Variants in AGBL4 observed in about 807,000 individuals in gnomAD.
The protein encoded by AGBL4 is AGBL carboxypeptidase 4.
AGBL4 carries 58 observed loss-of-function variants against 66.4 expected under a neutral mutation model. That is an observed-to-expected ratio of 0.87 (90% CI 0.71 to 1.09). The LOEUF (loss-of-function observed/expected upper bound fraction) is 1.09. Ranked by LOEUF, AGBL4 falls within the 50% of genes least tolerant of loss-of-function variation. The pLI is 0.00. For synonymous variants in AGBL4, 234 were observed against 222.9 expected (o/e 1.05, Z -0.44); for missense variants, 579 against 631.0 (o/e 0.92, Z 0.88).
intron 11 of AGBL4, among the ~76,000 whole-genome samples, chr1:48,553,514 T>A (rs1426573584): frequency 2.0e-5 from 3 of 152,154 alleles, no homozygotes; most frequent in African/African-American, 7.2e-5. Context: ...CCTTTAGGTA[T>A]CAGTTTTCCA....
chr1:49,790,510 A>G (rs576977676), intron 2 of AGBL4, among the ~76,000 whole-genome samples: 6 of 152,342 alleles, frequency 3.9e-5, no homozygotes, highest in African/African-American at 1.4e-4. Context: ...GAAAACAGAT[A>G]TACTGCCTGC....
chr1:48,553,645 G>A (rs1001891474), intron 11 of AGBL4, among the ~76,000 whole-genome samples: 1 of 152,026 alleles, frequency 6.6e-6, no homozygotes, highest in African/African-American at 2.4e-5. Context: ...TGATACTACT[G>A]ACAAACTGTG....
At chr1:49,424,250 CA>C (rs1487991697) in intron 3 of AGBL4, among the ~76,000 whole-genome samples, 1 of 152,068 alleles carries the variant, frequency 6.6e-6, no homozygotes, top group African/African-American at 2.4e-5. Flanking sequence ...ACGAAACAAA[CA>C]AAGAAACAAA....
intron 3 of AGBL4, among the ~76,000 whole-genome samples, chr1:49,559,674 C>T (rs1465932474): frequency 1.3e-5 from 2 of 152,236 alleles, no homozygotes; most frequent in Admixed American, 1.3e-4. Context: ...TGAACATCAG[C>T]CTGCAGGTTC....
intron 5 of AGBL4, among the ~76,000 whole-genome samples, chr1:48,992,821 G>C (rs1029878138): frequency 6.6e-6 from 1 of 151,896 alleles, no homozygotes; most frequent in African/African-American, 2.4e-5. Flanking sequence ...CAAACCCAAG[G>C]GCTCTTCAGT....
chr1:49,107,291 C>T (rs775212248), intron 4 of AGBL4, among the ~76,000 whole-genome samples: 9 of 152,020 alleles, frequency 5.9e-5, no homozygotes, highest in Non-Finnish European at 1.2e-4. Flanking sequence ...TGATTTTGCC[C>T]AACTGTAGGC....
At chr1:49,609,486 A>C (rs1255883170) in intron 3 of AGBL4, among the ~76,000 whole-genome samples, 1 of 152,204 alleles carries the variant, frequency 6.6e-6, no homozygotes, top group Non-Finnish European at 1.5e-5. Flanking sequence ...AAAGGCACTC[A>C]AGAAGAAAAA....
chr1:49,477,385 T>A (rs1209927238), intron 3 of AGBL4, among the ~76,000 whole-genome samples: 1 of 152,050 alleles, frequency 6.6e-6, no homozygotes, highest in African/African-American at 2.4e-5. Context: ...ATCAGCTCCA[T>A]TTGTTTGGAA....
the AGBL4 span, among the ~76,000 whole-genome samples, chr1:48,525,961 T>C: frequency 6.6e-6 from 1 of 152,188 alleles, no homozygotes; most frequent in Non-Finnish European, 1.5e-5. Context: ...TCCATCCTAA[T>C]ATCCTGGCAA....
chr1:50,017,545 G>A (rs1308305667), intron 1 of AGBL4: 1 of 152,024 alleles, frequency 6.6e-6, no homozygotes, highest in African/African-American at 2.4e-5. Flanking sequence ...ACATAAAAAA[G>A]AAAGCCATAT....
At chr1:49,043,823 G>A (rs1205252509) in intron 5 of AGBL4, among the ~76,000 whole-genome samples, 1 of 152,190 alleles carries the variant, frequency 6.6e-6, no homozygotes, top group Non-Finnish European at 1.5e-5. Flanking sequence ...TTGTCTCTCA[G>A]TACCTGAGTT....
chr1:49,414,021 A>G (rs1423924204), intron 3 of AGBL4, among the ~76,000 whole-genome samples: 2 of 152,198 alleles, frequency 1.3e-5, no homozygotes, highest in Non-Finnish European at 2.9e-5. Flanking sequence ...AGGATCATAA[A>G]GGTCTTATGA....
At chr1:48,851,666 T>TA (rs1647035256) in intron 6 of AGBL4, among the ~76,000 whole-genome samples, 1 of 152,212 alleles carries the variant, frequency 6.6e-6, no homozygotes, top group Non-Finnish European at 1.5e-5. Context: ...CAGTTTTCTG[T>TA]ATAATCTTTA....
chr1:48,950,962 C>T (rs894465336), intron 5 of AGBL4, among the ~76,000 whole-genome samples: 1 of 152,122 alleles, frequency 6.6e-6, no homozygotes, highest in Non-Finnish European at 1.5e-5. Context: ...AGCCTTTTCT[C>T]AGGAACCTCA....
At chr1:49,324,403 C>A (rs1021864643) in intron 3 of AGBL4, among the ~76,000 whole-genome samples, 7 of 151,458 alleles carry the variant, frequency 4.6e-5, no homozygotes, top group Non-Finnish European at 7.3e-5. Flanking sequence ...GCCTGACCTA[C>A]AACTTGTATT....
chr1:49,956,669 A>G (rs540724958), intron 1 of AGBL4, among the ~76,000 whole-genome samples: 3 of 152,084 alleles, frequency 2.0e-5, no homozygotes, highest in Admixed American at 2.0e-4. Flanking sequence ...TTCAAATGAG[A>G]TAAGATGTCA....
At chr1:48,558,639 C>T (rs1035842812) in intron 11 of AGBL4, among the ~76,000 whole-genome samples, 10 of 152,216 alleles carry the variant, frequency 6.6e-5, no homozygotes, top group Admixed American at 2.0e-4. Context: ...TTCTGGCAGC[C>T]AATTTGCTTC....
intron 6 of AGBL4, among the ~76,000 whole-genome samples, chr1:48,843,924 A>C (rs1646857722): frequency 6.6e-6 from 1 of 152,076 alleles, no homozygotes; most frequent in Non-Finnish European, 1.5e-5. Flanking sequence ...CCTGATTCCC[A>C]CATTTTGGTT....
intron 3 of AGBL4, among the ~76,000 whole-genome samples, chr1:49,611,376 T>C (rs1645151485): frequency 7.4e-6 from 1 of 134,382 alleles, no homozygotes; most frequent in South Asian, 2.3e-4. Context: ...ACCATATTCT[T>C]TTTTTTTTTT....
Sources: gnomAD v4.1 joint callset for allele counts (sites outside exome capture counted in the v4.1 genomes callset) on GRCh38, gnomAD v4.1.1 for gene constraint, MANE v1.5 for transcripts, NCBI Gene and HGNC (gene_info 2026-07-23, HGNC 2026-07-21) for gene names.